The following LRRC7 variants were observed in gnomAD, a reference collection of about 807,000 sequenced individuals.
LRRC7 encodes leucine-rich repeat-containing protein 7.
LRRC7 carries 23 observed loss-of-function variants against 175.7 expected under a neutral mutation model. The observed-to-expected ratio is 0.13, with a 90% CI of 0.09 to 0.19. The LOEUF (loss-of-function observed/expected upper bound fraction) is 0.19. Ranked by LOEUF, LRRC7 falls within the 10% of genes least tolerant of loss-of-function variation. The probability of loss-of-function intolerance (pLI) is 1.00; values close to 1 mark genes in which losing one functional copy is unlikely to be tolerated. For synonymous variants in LRRC7, 685 were observed against 680.9 expected (o/e 1.01, Z -0.09); for missense variants, 1,354 against 1,904.7 (o/e 0.71, Z 5.38).
intron 1 of LRRC7, among the ~76,000 whole-genome samples, chr1:69,592,549 G>T (rs61384003): frequency 0.22 from 33,824 of 151,940 alleles, 5,450 homozygotes; most frequent in African/African-American, 0.45. Context: ...GGCGAAGATC[G>T]CCTGATTTGA....
chr1:69,602,845 T>C (rs1647134767), intron 1 of LRRC7, among the ~76,000 whole-genome samples: 1 of 152,194 alleles, frequency 6.6e-6, no homozygotes, highest in African/African-American at 2.4e-5. Context: ...TTACTGTATC[T>C]TTTTATGTTA....
At chr1:70,061,573 A>G (rs1661579194) in intron 23 of LRRC7, among the ~76,000 whole-genome samples, 1 of 152,182 alleles carries the variant, frequency 6.6e-6, no homozygotes, top group Non-Finnish European at 1.5e-5. Context: ...AAATCATATA[A>G]TTATAATTTT....
At chr1:69,777,977 T>C (rs1673006293) in intron 3 of LRRC7, among the ~76,000 whole-genome samples, 1 of 152,228 alleles carries the variant, frequency 6.6e-6, no homozygotes, top group Non-Finnish European at 1.5e-5. Flanking sequence ...CAGCTTAGCA[T>C]GGAATGCTGA....
At chr1:69,641,783 A>G (rs762979598) in intron 1 of LRRC7, among the ~76,000 whole-genome samples, 6 of 151,822 alleles carry the variant, frequency 4.0e-5, no homozygotes, top group Non-Finnish European at 8.9e-5. Context: ...ATTTGTACAT[A>G]GCATTGCTTG....
intron 1 of LRRC7, among the ~76,000 whole-genome samples, chr1:69,603,935 G>A (rs948999475): frequency 1.3e-5 from 2 of 151,886 alleles, no homozygotes; most frequent in African/African-American, 4.8e-5. Flanking sequence ...TTAAAAGATA[G>A]TTCTATTTTT....
intron 2 of LRRC7, among the ~76,000 whole-genome samples, chr1:69,734,965 AAC>A (rs1207155977): frequency 6.6e-6 from 1 of 151,786 alleles, no homozygotes; most frequent in East Asian, 1.9e-4. Flanking sequence ...GTCTATAAAA[AAC>A]TGTTAAAAAT....
At position 70,065,966 on chromosome 1, in the gene LRRC7, G is replaced by A. The variant is rs116126085; in HGVS notation, c.4231-10111G>A. 3.8e-3 allele frequency among the ~76,000 whole-genome samples: 578 copies of A among 152,096 alleles called. 4 individuals are homozygous for A. Among genetic ancestry groups the A allele is most frequent in the African/African-American group, 0.013 (546 of 41,546 alleles). ...CAGAAGTTAGAATATTTAGGAGTTA[G>A]TTGGCAAAACTTTCATTGGGAGAAG... On this transcript the variant is annotated intron_variant, in intron 23 of 26. Transcript: ENST00000651989.
intron 8 of LRRC7, among the ~76,000 whole-genome samples, chr1:69,948,072 AC>A (rs1649531489): frequency 6.6e-6 from 1 of 152,136 alleles, no homozygotes; most frequent in Non-Finnish European, 1.5e-5. Context: ...GGGGTGACTC[AC>A]ATCCCAGGAG....
At chr1:69,794,129 A>T (rs1403928868) in intron 4 of LRRC7, among the ~76,000 whole-genome samples, 5 of 152,212 alleles carry the variant, frequency 3.3e-5, no homozygotes, top group Non-Finnish European at 7.4e-5. Flanking sequence ...TTCATGAAAC[A>T]CTGTAGCATC....
intron 4 of LRRC7, among the ~76,000 whole-genome samples, chr1:69,803,601 T>C (rs1002342483): frequency 2.6e-5 from 4 of 151,470 alleles, no homozygotes; most frequent in Non-Finnish European, 5.9e-5. Flanking sequence ...TACATTGAGC[T>C]ACAGAGCTGA....
At chr1:69,575,455 A>C (rs1007848896) in intron 1 of LRRC7, among the ~76,000 whole-genome samples, 4 of 152,144 alleles carry the variant, frequency 2.6e-5, no homozygotes, top group African/African-American at 9.7e-5. Flanking sequence ...TATTTGGCTT[A>C]AGCATTTTGG....
chr1:69,759,905 G>T (rs190684282), intron 2 of LRRC7, among the ~76,000 whole-genome samples: 1 of 152,116 alleles, frequency 6.6e-6, no homozygotes, highest in East Asian at 1.9e-4. Flanking sequence ...ACTGAGACAG[G>T]ATTGTATCCT....
chr1:69,627,213 C>T (rs1294799795), intron 1 of LRRC7, among the ~76,000 whole-genome samples: 1 of 152,154 alleles, frequency 6.6e-6, no homozygotes, highest in African/African-American at 2.4e-5. Flanking sequence ...GTTCCTATTT[C>T]TCCACATCCT....
At chr1:69,696,468 T>C (rs1027860452) in intron 2 of LRRC7, among the ~76,000 whole-genome samples, 11 of 152,186 alleles carry the variant, frequency 7.2e-5, no homozygotes, top group African/African-American at 2.7e-4. Flanking sequence ...TTGGGACTTT[T>C]GAATGATGCT....
chr1:69,589,472 G>C (rs75254226), intron 1 of LRRC7, among the ~76,000 whole-genome samples: 1,666 of 152,194 alleles, frequency 0.011, 34 homozygotes, highest in African/African-American at 0.038. Flanking sequence ...AATCGGGAGT[G>C]AGTCCTCTGG....
intron 26 of LRRC7, among the ~76,000 whole-genome samples, chr1:70,117,587 A>G (rs2102236507): frequency 6.6e-6 from 1 of 152,304 alleles, no homozygotes; most frequent in African/African-American, 2.4e-5. Flanking sequence ...AAATTAAATA[A>G]AGGAGAGAGA....
chr1:70,099,715 C>G (rs74085925), intron 25 of LRRC7, among the ~76,000 whole-genome samples: 583 of 152,154 alleles, frequency 3.8e-3, no homozygotes, highest in African/African-American at 0.013. Flanking sequence ...AAAGAAGAAT[C>G]CACAGCCTCC....
intron 7 of LRRC7, chr1:69,919,279 G>C (rs745689382): frequency 3.9e-5 from 20 of 506,478 alleles, no homozygotes; most frequent in Non-Finnish European, 6.7e-5. Flanking sequence ...AAATGTATTT[G>C]CTAGATACAT....
chr1:69,861,509 T>A (rs558839838), intron 7 of LRRC7, among the ~76,000 whole-genome samples: 1 of 152,292 alleles, frequency 6.6e-6, no homozygotes, highest in African/African-American at 2.4e-5. Flanking sequence ...TGAGTCCTGC[T>A]GAACATGACA....
Sources: allele counts gnomAD v4.1 joint callset (sites outside exome capture counted in the v4.1 genomes callset), GRCh38; gene constraint gnomAD v4.1.1; transcripts MANE v1.5; gene names NCBI Gene and HGNC (gene_info 2026-07-23, HGNC 2026-07-21).